The following CALCR variants were observed in gnomAD, a reference collection of about 807,000 sequenced individuals.
CALCR encodes calcitonin receptor.
A neutral mutation model predicts 59.5 loss-of-function variants in CALCR; 47 were observed. The ratio of observed to expected loss-of-function variants is 0.79; its 90% CI spans 0.63 to 1.01. The LOEUF (loss-of-function observed/expected upper bound fraction) is 1.01. CALCR is among the 50% of genes least tolerant of loss of function. CALCR has a pLI of 0.00. For synonymous variants in CALCR, 213 were observed against 211.3 expected (o/e 1.01, Z -0.07); for missense variants, 566 against 597.1 (o/e 0.95, Z 0.54).
At chr7:93,460,593 GTATA>G (rs368578654) in intron 8 of CALCR, among the ~76,000 whole-genome samples, 2 of 89,376 alleles carry the variant, frequency 2.2e-5, no homozygotes, top group African/African-American at 1.1e-4. Context: ...ATATATATAT[GTATA>G]TATATATATA....
chr7:93,535,331 G>C, intron 2 of CALCR, among the ~76,000 whole-genome samples: 1 of 151,546 alleles, frequency 6.6e-6, no homozygotes, highest in East Asian at 1.9e-4. Flanking sequence ...CAAGCTGAAG[G>C]GCAAATATTA....
chr7:93,496,642 C>A (rs1801209746), intron 2 of CALCR, among the ~76,000 whole-genome samples: 2 of 151,536 alleles, frequency 1.3e-5, no homozygotes, highest in African/African-American at 4.8e-5. Context: ...TTGTCAAGAA[C>A]ATTTCCACCA....
chr7:93,448,803 C>G (rs919093330), intron 8 of CALCR, among the ~76,000 whole-genome samples: 4 of 151,934 alleles, frequency 2.6e-5, no homozygotes, highest in Non-Finnish European at 4.4e-5. Flanking sequence ...TTTATTCCAA[C>G]TTTTCTATTT....
chr7:93,438,031 T>C, intron 11 of CALCR, 29 bp downstream of exon 11: 1 of 1,562,220 alleles, frequency 6.4e-7, no homozygotes, highest in Non-Finnish European at 8.8e-7. Context: ...ATAATACTAC[T>C]AATATTGCAA....
intron 2 of CALCR, among the ~76,000 whole-genome samples, chr7:93,510,321 G>T (rs567982789): frequency 2.0e-5 from 3 of 152,202 alleles, no homozygotes; most frequent in Non-Finnish European, 4.4e-5. Flanking sequence ...TGGGGGAAAG[G>T]TCCCTCGTTA....
At chr7:93,538,474 A>C (rs1418964504) in intron 2 of CALCR, among the ~76,000 whole-genome samples, 2 of 151,960 alleles carry the variant, frequency 1.3e-5, no homozygotes, top group Non-Finnish European at 2.9e-5. Context: ...TTTTAATATC[A>C]CTGCATGCTC....
chr7:93,538,087 A>G (rs977955480), intron 2 of CALCR, among the ~76,000 whole-genome samples: 1 of 152,026 alleles, frequency 6.6e-6, no homozygotes, highest in African/African-American at 2.4e-5. Context: ...AATGAAGAAC[A>G]TAGAACATAT....
rs117359791 is a variant in CALCR, at chr7:93,475,713, C to T, written c.316+1845G>A. Among the ~76,000 whole-genome samples, 141 of 151,854 alleles carry T rather than the reference C, an allele frequency of 9.3e-4. No individual in the cohort carries two copies. The South Asian group carries it at 0.01, about 11-fold the overall frequency. ...GTTTTGTTTTAACTAAAGTCTGGAT[C>T]GAGTCATTTCTTGGTTTTAACTGTT... On this transcript the variant is annotated intron_variant, in intron 5 of 13. Coordinates refer to ENST00000426151, the MANE Select transcript of CALCR (RefSeq NM_001742.4).
At chr7:93,437,498 A>G (rs1253154661) in intron 11 of CALCR, among the ~76,000 whole-genome samples, 2 of 152,190 alleles carry the variant, frequency 1.3e-5, no homozygotes, top group African/African-American at 2.4e-5. Context: ...TGATTTATCT[A>G]AATTTTCAGA....
intron 8 of CALCR, among the ~76,000 whole-genome samples, chr7:93,444,966 G>A (rs924805523): frequency 1.3e-5 from 2 of 151,968 alleles, no homozygotes; most frequent in African/African-American, 4.8e-5. Flanking sequence ...GTAGTAATTC[G>A]TTTACTCAAA....
chr7:93,496,417 A>G (rs1050718177), intron 2 of CALCR, among the ~76,000 whole-genome samples: 5 of 151,492 alleles, frequency 3.3e-5, no homozygotes, highest in African/African-American at 1.2e-4. Context: ...TCCTTTGGAA[A>G]ATGCTCTTTT....
chr7:93,537,973 A>AT (rs891218333), intron 2 of CALCR, among the ~76,000 whole-genome samples: 43 of 151,998 alleles, frequency 2.8e-4, no homozygotes, highest in African/African-American at 1.0e-3. Flanking sequence ...CATTTATCAT[A>AT]TTTTTCCAGT....
rs761415794 is a variant in CALCR, at chr7:93,426,342, T to A, written c.*14A>T. On this transcript the variant is annotated 3_prime_UTR_variant, in exon 14 of 14. Transcript: ENST00000426151. ...TGATGGCTCAGTGATCACGATGCTG[T>A]GTTTGCTTCACATTCAAGCAGATGA... 5.0e-6 allele frequency: 7 copies of A among 1,401,516 alleles called. No individual in the cohort carries two copies. The highest frequency in any genetic ancestry group is 7.1e-6 in the Non-Finnish European group (7 of 986,832). The allele number at this position is 1,401,516 out of a possible 1,614,324, so 86.8% of individuals were successfully genotyped here.
At chr7:93,509,059 G>A (rs1427354572) in intron 2 of CALCR, among the ~76,000 whole-genome samples, 1 of 152,148 alleles carries the variant, frequency 6.6e-6, no homozygotes, top group Non-Finnish European at 1.5e-5. Flanking sequence ...GAGAGGTGGG[G>A]TGTATGTTCC....
intron 2 of CALCR, among the ~76,000 whole-genome samples, chr7:93,539,763 G>C (rs1051143594): frequency 1.3e-5 from 2 of 152,174 alleles, no homozygotes; most frequent in South Asian, 4.1e-4. Context: ...GATGGAAAGA[G>C]CATGGTGTGC....
chr7:93,441,474 A>G (rs1732231739), intron 9 of CALCR: 5 of 446,352 alleles, frequency 1.1e-5, no homozygotes, highest in Non-Finnish European at 2.2e-5. Context: ...TTGGAAATCT[A>G]GAAATTGTTG....
At chr7:93,504,900 G>A (rs891646109) in intron 2 of CALCR, among the ~76,000 whole-genome samples, 1 of 152,030 alleles carries the variant, frequency 6.6e-6, no homozygotes. Flanking sequence ...AGAATCTTAG[G>A]GGTGCAGCAA....
intron 5 of CALCR, among the ~76,000 whole-genome samples, chr7:93,473,587 C>A (rs946592371): frequency 8.3e-5 from 12 of 144,334 alleles, no homozygotes; most frequent in African/African-American, 2.7e-4. Flanking sequence ...TTGGCCCCCC[C>A]CCCTTTTTTT....
At chr7:93,526,465 A>C (rs1407909938) in intron 2 of CALCR, among the ~76,000 whole-genome samples, 2 of 151,184 alleles carry the variant, frequency 1.3e-5, no homozygotes, top group African/African-American at 4.8e-5. Flanking sequence ...AAAGGCAGAG[A>C]ATAACCAATA....
Sources: allele counts gnomAD v4.1 joint callset (sites outside exome capture counted in the v4.1 genomes callset), GRCh38; gene constraint gnomAD v4.1.1; transcripts MANE v1.5; gene names NCBI Gene and HGNC (gene_info 2026-07-23, HGNC 2026-07-21).